The following L3MBTL4 variants were observed in gnomAD, a reference collection of about 807,000 sequenced individuals.
The protein encoded by L3MBTL4 is lethal(3)malignant brain tumor-like protein 4.
In L3MBTL4, 70 loss-of-function variants were observed where a neutral mutation model predicts 84.5. The ratio of observed to expected loss-of-function variants is 0.83; its 90% CI spans 0.68 to 1.01. The LOEUF is 1.01. Among genes scored for constraint, L3MBTL4 ranks in the 50% least tolerant of loss-of-function variants. The pLI is 0.00. For synonymous variants in L3MBTL4, 274 were observed against 259.8 expected, an observed-to-expected ratio of 1.05 and a Z score of -0.52; for missense variants, 715 against 754.8, an observed-to-expected ratio of 0.95 and a Z score of 0.62.
intron 14 of L3MBTL4, among the ~76,000 whole-genome samples, chr18:6,118,999 T>C (rs2059444809): frequency 7.0e-6 from 1 of 143,010 alleles, no homozygotes; most frequent in Admixed American, 6.9e-5. Context: ...GTTTCTTTTT[T>C]TTTTTTTTTT....
intron 14 of L3MBTL4, among the ~76,000 whole-genome samples, chr18:6,133,068 T>C (rs1408676654): frequency 1.3e-5 from 2 of 152,158 alleles, no homozygotes; most frequent in South Asian, 2.1e-4. Context: ...GATTCAAGTT[T>C]TGAAGGAGGC....
intron 1 of L3MBTL4, among the ~76,000 whole-genome samples, chr18:6,324,697 C>T (rs78544338): frequency 0.011 from 1,691 of 152,238 alleles, 30 homozygotes; most frequent in African/African-American, 0.038. Flanking sequence ...TAGAACACAC[C>T]GGAGCCTGAA....
chr18:6,156,299 ACTATTTCCCATAGGACTTTGCAAACC>A (rs370367685), intron 13 of L3MBTL4, among the ~76,000 whole-genome samples: 1 of 152,204 alleles, frequency 6.6e-6, no homozygotes, highest in African/African-American at 2.4e-5. Flanking sequence ...TAAGTGTAGA[ACTATTTCCCATAGGACTTTGCAAACC>A]CTAGAACAGC....
intron 12 of L3MBTL4, among the ~76,000 whole-genome samples, chr18:6,183,147 G>T (rs1386704487): frequency 6.6e-6 from 1 of 152,134 alleles, no homozygotes; most frequent in Non-Finnish European, 1.5e-5. Flanking sequence ...AGAATCCCCA[G>T]GGTTTTAATT....
At chr18:6,092,172 T>A (rs1374587313) in intron 15 of L3MBTL4, among the ~76,000 whole-genome samples, 1 of 152,236 alleles carries the variant, frequency 6.6e-6, no homozygotes, top group Non-Finnish European at 1.5e-5. Flanking sequence ...TACAGTCATG[T>A]GCACAGAGAT....
chr18:6,183,507 T>A (rs1436874188), intron 12 of L3MBTL4, among the ~76,000 whole-genome samples: 2 of 152,242 alleles, frequency 1.3e-5, no homozygotes, highest in Admixed American at 1.3e-4. Flanking sequence ...CGACATTGTT[T>A]CAATATGCAC....
intron 1 of L3MBTL4, among the ~76,000 whole-genome samples, chr18:6,357,300 A>AG (rs2053491199): frequency 6.6e-6 from 1 of 152,234 alleles, no homozygotes; most frequent in Non-Finnish European, 1.5e-5. Flanking sequence ...ATCTTGAGAC[A>AG]TTCTGTGAAA....
At chr18:6,288,348 A>C (rs2049692193) in intron 4 of L3MBTL4, among the ~76,000 whole-genome samples, 3 of 152,226 alleles carry the variant, frequency 2.0e-5, no homozygotes, top group Non-Finnish European at 4.4e-5. Context: ...CTCATATAAA[A>C]TATATGCTAA....
At chr18:6,032,977 A>G (rs1290792369) in intron 16 of L3MBTL4, among the ~76,000 whole-genome samples, 2 of 152,140 alleles carry the variant, frequency 1.3e-5, no homozygotes, top group Non-Finnish European at 2.9e-5. Flanking sequence ...TTTCTTGTGC[A>G]CTTAAGAAGA....
rs146490029 is a variant in L3MBTL4 at position 6,343,490 on chromosome 18, C to T, written c.-90-31434G>A. ...CATCCTGACTAACATGGTGAAACCC[C>T]GTCTCTACTAAAAATACAAAAAAAA... On this transcript the variant is annotated intron_variant, in intron 1 of 18. Coordinates refer to ENST00000317931, the MANE Select transcript of L3MBTL4 (RefSeq NM_001330559.2). 8.9e-3 allele frequency among the ~76,000 whole-genome samples: 1,351 copies of T among 151,892 alleles called. 23 individuals carry two copies. The highest frequency in any genetic ancestry group is 0.031 in the African/African-American group (1,272 of 41,382).
At chr18:6,247,452 T>C (rs770273246) in intron 5 of L3MBTL4, among the ~76,000 whole-genome samples, 11 of 147,112 alleles carry the variant, frequency 7.5e-5, no homozygotes, top group Non-Finnish European at 1.5e-4. Context: ...GAATGCAGAC[T>C]TCCCCCTCCT....
chr18:6,118,892 G>A (rs1039063736), intron 14 of L3MBTL4, among the ~76,000 whole-genome samples: 2 of 150,078 alleles, frequency 1.3e-5, no homozygotes, highest in Non-Finnish European at 3.0e-5. Context: ...CAGAAGAACA[G>A]TACTTTGATC....
intron 5 of L3MBTL4, chr18:6,260,945 A>T (rs1478523539): frequency 6.6e-6 from 1 of 152,212 alleles, no homozygotes; most frequent in East Asian, 1.9e-4. Flanking sequence ...GACAATGCTT[A>T]TTTCATCTGA....
chr18:6,146,517 G>A (rs1304928280), intron 13 of L3MBTL4, among the ~76,000 whole-genome samples: 1 of 152,242 alleles, frequency 6.6e-6, no homozygotes, highest in Non-Finnish European at 1.5e-5. Context: ...TGGCCGCTGG[G>A]TTTCGCAAAG....
rs375389999 is a variant in L3MBTL4 at position 5,994,089 on chromosome 18, C to T, written c.1445-24527G>A. On this transcript the variant is annotated intron_variant, in intron 16 of 18. Transcript: ENST00000317931. ...TTCTCTTCCAGGAACATAATCTGCA[C>T]CATCTACCTCCCTGTCCACCAGGCC... Among the ~76,000 whole-genome samples the T allele has an allele frequency of 6.6e-5, 10 of 152,314 alleles. No homozygotes were observed. In the East Asian group the frequency reaches 1.7e-3, roughly 27 times the overall value.
chr18:6,317,198 T>C (rs970237391), intron 1 of L3MBTL4, among the ~76,000 whole-genome samples: 1 of 151,980 alleles, frequency 6.6e-6, no homozygotes, highest in African/African-American at 2.4e-5. Flanking sequence ...AATTACTCAG[T>C]ACTAAAAGCA....
chr18:6,168,245 T>C (rs2043779540), intron 13 of L3MBTL4, among the ~76,000 whole-genome samples: 1 of 151,316 alleles, frequency 6.6e-6, no homozygotes, highest in African/African-American at 2.4e-5. Flanking sequence ...AAAATGGCCA[T>C]ACTGCCCAAG....
intron 10 of L3MBTL4, among the ~76,000 whole-genome samples, chr18:6,225,476 G>A (rs770007175): frequency 1.2e-4 from 18 of 152,118 alleles, no homozygotes; most frequent in Non-Finnish European, 1.8e-4. Context: ...TACATTAAGG[G>A]TGGCCAGGCA....
intron 13 of L3MBTL4, among the ~76,000 whole-genome samples, chr18:6,166,893 A>T (rs188177662): frequency 0.036 from 5,536 of 152,126 alleles, 350 homozygotes; most frequent in African/African-American, 0.12. Flanking sequence ...CAGGAGCTGG[A>T]TTTTTGAAAA....
Sources: allele counts gnomAD v4.1 joint callset (sites outside exome capture counted in the v4.1 genomes callset), GRCh38; gene constraint gnomAD v4.1.1; transcripts MANE v1.5; gene names NCBI Gene and HGNC (gene_info 2026-07-23, HGNC 2026-07-21).